Variants in LINGO2 observed in about 807,000 individuals in gnomAD.
LINGO2 encodes the protein leucine-rich repeat and immunoglobulin-like domain-containing nogo receptor-interacting protein 2.
Under a neutral mutation model 30.6 loss-of-function variants are expected in LINGO2, and 14 were observed. That is an observed-to-expected ratio of 0.46 (90% CI 0.30 to 0.72). The LOEUF (loss-of-function observed/expected upper bound fraction) is 0.72. LINGO2 is among the 30% of genes least tolerant of loss of function. The pLI is 0.07. For synonymous variants in LINGO2, 317 were observed against 288.5 expected (o/e 1.10, Z -1.00); for missense variants, 729 against 751.7 (o/e 0.97, Z 0.35).
the LINGO2 span, among the ~76,000 whole-genome samples, chr9:29,083,029 T>G: frequency 6.6e-6 from 1 of 152,134 alleles, no homozygotes; most frequent in Non-Finnish European, 1.5e-5. Flanking sequence ...GTGTGGCGAT[T>G]CCTCAGGGAT....
At chr9:28,048,515 C>T (rs983044553) in intron 4 of LINGO2, among the ~76,000 whole-genome samples, 4 of 150,492 alleles carry the variant, frequency 2.7e-5, no homozygotes, top group African/African-American at 9.8e-5. Flanking sequence ...GTATTCATTG[C>T]CAGTGAAAGT....
chr9:28,348,481 C>T (rs1819689341), intron 3 of LINGO2, among the ~76,000 whole-genome samples: 1 of 152,216 alleles, frequency 6.6e-6, no homozygotes, highest in Non-Finnish European at 1.5e-5. Flanking sequence ...TATCCTGCAC[C>T]TGGCTCGGAG....
chr9:28,543,020 T>C (rs1451635753), intron 1 of LINGO2, among the ~76,000 whole-genome samples: 1 of 151,970 alleles, frequency 6.6e-6, no homozygotes, highest in Non-Finnish European at 1.5e-5. Flanking sequence ...CAGTGACAAA[T>C]ATGGTAAAAC....
At chr9:28,512,210 T>A (rs1228562679) in intron 1 of LINGO2, among the ~76,000 whole-genome samples, 1 of 152,068 alleles carries the variant, frequency 6.6e-6, no homozygotes, top group Non-Finnish European at 1.5e-5. Context: ...CGGTTCACGG[T>A]AGGCAGTTCA....
intron 3 of LINGO2, among the ~76,000 whole-genome samples, chr9:28,342,921 T>C (rs142025873): frequency 0.023 from 3,445 of 152,196 alleles, 57 homozygotes; most frequent in Middle Eastern, 0.054. Context: ...ATCAAATCCT[T>C]CCATTTGTTT....
the LINGO2 span, among the ~76,000 whole-genome samples, chr9:29,121,577 G>A: frequency 6.6e-6 from 1 of 151,852 alleles, no homozygotes; most frequent in Non-Finnish European, 1.5e-5. Flanking sequence ...CAATTGATAG[G>A]AGCTTAAAAA....
At chr9:28,123,626 C>T (rs756732484) in intron 4 of LINGO2, among the ~76,000 whole-genome samples, 3 of 152,004 alleles carry the variant, frequency 2.0e-5, no homozygotes, top group African/African-American at 7.2e-5. Flanking sequence ...AAAATGTGAA[C>T]CCTTCTATAA....
At chr9:29,119,430 G>GA in the LINGO2 span, among the ~76,000 whole-genome samples, 3 of 150,160 alleles carry the variant, frequency 2.0e-5, no homozygotes, top group South Asian at 2.1e-4. Flanking sequence ...AGAAATTGCT[G>GA]GAAAAAAAAG....
intron 5 of LINGO2, among the ~76,000 whole-genome samples, chr9:27,965,109 C>A (rs1820033867): frequency 6.6e-6 from 1 of 152,112 alleles, no homozygotes; most frequent in South Asian, 2.1e-4. Context: ...TCTTTAACTA[C>A]AGGCAAAGAC....
At chr9:29,098,668 G>A in the LINGO2 span, among the ~76,000 whole-genome samples, 1 of 151,976 alleles carries the variant, frequency 6.6e-6, no homozygotes, top group Non-Finnish European at 1.5e-5. Flanking sequence ...AATAGGCCCA[G>A]CTAGGTCATG....
chr9:28,431,843 C>G (rs1361282336), intron 2 of LINGO2, among the ~76,000 whole-genome samples: 4 of 152,144 alleles, frequency 2.6e-5, no homozygotes, highest in Admixed American at 2.6e-4. Context: ...TCCTCAAAAG[C>G]ACAGTGAAAA....
the LINGO2 span, among the ~76,000 whole-genome samples, chr9:29,066,813 AT>A: frequency 6.6e-6 from 1 of 151,924 alleles, no homozygotes; most frequent in East Asian, 1.9e-4. Context: ...ACTCTTTAGC[AT>A]TTGTTCTTTT....
the LINGO2 span, among the ~76,000 whole-genome samples, chr9:28,676,272 C>T: frequency 3.3e-5 from 5 of 151,700 alleles, no homozygotes; most frequent in Non-Finnish European, 5.9e-5. Flanking sequence ...CTATACCATT[C>T]GCTGGAGCAA....
In LINGO2 at chr9:28,319,833, C is replaced by T. The variant is rs184535076; in HGVS notation, c.-245-24467G>A. Reference sequence around the variant, plus strand: ...TTGTCCAAACTCATAGAACTGAATCCTAAAAAGAGTAAATTTTTATATGTA... The same window carrying T: ...TTGTCCAAACTCATAGAACTGAATCTTAAAAAGAGTAAATTTTTATATGTA... On this transcript the variant is annotated intron_variant, in intron 3 of 5. Transcript: ENST00000379992. 2.2e-4 allele frequency among the ~76,000 whole-genome samples: 33 copies of T among 151,844 alleles called. No homozygotes were observed. In the East Asian group the frequency reaches 6.4e-3, roughly 29 times the overall value.
intron 1 of LINGO2, among the ~76,000 whole-genome samples, chr9:28,497,164 T>G (rs1394516179): frequency 6.6e-6 from 1 of 152,164 alleles, no homozygotes; most frequent in Non-Finnish European, 1.5e-5. Context: ...GAGAAGTATC[T>G]CTGTGGCATT....
chr9:28,056,619 G>C (rs1366389538), intron 4 of LINGO2, among the ~76,000 whole-genome samples: 1 of 152,094 alleles, frequency 6.6e-6, no homozygotes, highest in Non-Finnish European at 1.5e-5. Context: ...GCAGGACCTA[G>C]CAAGAAAACC....
the LINGO2 span, among the ~76,000 whole-genome samples, chr9:28,774,144 C>G: frequency 6.6e-6 from 1 of 151,688 alleles, no homozygotes; most frequent in African/African-American, 2.4e-5. Flanking sequence ...CAGCAAGAAA[C>G]TTGAGCTTTC....
chr9:28,269,735 C>A (rs1822875815), intron 4 of LINGO2, among the ~76,000 whole-genome samples: 1 of 152,098 alleles, frequency 6.6e-6, no homozygotes, highest in African/African-American at 2.4e-5. Flanking sequence ...TCCTTTTCCC[C>A]AATTTCATCA....
chr9:28,665,115 C>T (rs1828748288), intron 1 of LINGO2, among the ~76,000 whole-genome samples: 1 of 146,202 alleles, frequency 6.8e-6, no homozygotes, highest in African/African-American at 2.5e-5. Flanking sequence ...TTTAGTAGGC[C>T]AAAAAAGGTG....
Sources: allele counts gnomAD v4.1 joint callset (sites outside exome capture counted in the v4.1 genomes callset), GRCh38; gene constraint gnomAD v4.1.1; transcripts MANE v1.5; gene names NCBI Gene and HGNC (gene_info 2026-07-23, HGNC 2026-07-21).